Variants in PDZRN4 observed in about 807,000 individuals in gnomAD.
PDZRN4 encodes the protein PDZ domain-containing RING finger protein 4.
A neutral mutation model predicts 99.0 loss-of-function variants in PDZRN4; 70 were observed. That is an observed-to-expected ratio of 0.71 (90% CI 0.58 to 0.86). The LOEUF (loss-of-function observed/expected upper bound fraction) is 0.86. Among genes scored for constraint, PDZRN4 ranks in the 40% least tolerant of loss-of-function variants. The pLI is 0.00. For synonymous variants in PDZRN4, 551 were observed against 501.6 expected (o/e 1.10, Z -1.32); for missense variants, 1,474 against 1,331.2 (o/e 1.11, Z -1.67).
chr12:41,495,613 T>C (rs1937985231), intron 3 of PDZRN4, among the ~76,000 whole-genome samples: 1 of 152,148 alleles, frequency 6.6e-6, no homozygotes, highest in Non-Finnish European at 1.5e-5. Context: ...CATTCAGTTA[T>C]GTCTCACCAC....
At chr12:41,344,355 C>A (rs1025167950) in intron 3 of PDZRN4, among the ~76,000 whole-genome samples, 3 of 151,962 alleles carry the variant, frequency 2.0e-5, no homozygotes, top group Admixed American at 6.6e-5. Flanking sequence ...GACAACATAT[C>A]GAATGGCATA....
chr12:41,520,157 T>G (rs1248750992), intron 5 of PDZRN4, among the ~76,000 whole-genome samples: 1 of 152,146 alleles, frequency 6.6e-6, no homozygotes, highest in Non-Finnish European at 1.5e-5. Context: ...AGCAAAAAAG[T>G]TTTTTTAACT....
intron 3 of PDZRN4, among the ~76,000 whole-genome samples, chr12:41,217,296 A>G (rs986164741): frequency 6.6e-6 from 1 of 152,168 alleles, no homozygotes. Context: ...CTGGGAAGCT[A>G]CACAGGGCTC....
intron 3 of PDZRN4, among the ~76,000 whole-genome samples, chr12:41,221,685 G>A (rs1231488003): frequency 2.0e-5 from 3 of 152,066 alleles, no homozygotes; most frequent in Admixed American, 6.6e-5. Context: ...CAAGCAGTTA[G>A]CGGTCAAATT....
intron 3 of PDZRN4, among the ~76,000 whole-genome samples, chr12:41,284,645 A>G (rs757244904): frequency 6.6e-6 from 1 of 152,212 alleles, no homozygotes; most frequent in Middle Eastern, 3.4e-3. Context: ...TCATCGTATT[A>G]GTACCAAAAC....
intron 3 of PDZRN4, among the ~76,000 whole-genome samples, chr12:41,266,732 A>T (rs988796628): frequency 6.6e-6 from 1 of 152,202 alleles, no homozygotes; most frequent in African/African-American, 2.4e-5. Flanking sequence ...GGCTGTGTAA[A>T]TATCCAGAAT....
chr12:41,250,951 T>G (rs915373147), intron 3 of PDZRN4, among the ~76,000 whole-genome samples: 3 of 152,224 alleles, frequency 2.0e-5, no homozygotes, highest in Non-Finnish European at 4.4e-5. Context: ...CTGGTCCACT[T>G]TTACTTTGAC....
At chr12:41,429,363 G>T (rs1952566164) in intron 3 of PDZRN4, among the ~76,000 whole-genome samples, 2 of 152,196 alleles carry the variant, frequency 1.3e-5, no homozygotes, top group African/African-American at 4.8e-5. Context: ...CCAATCACCA[G>T]TGGAGTGGAG....
At chr12:41,359,957 A>C (rs1452804655) in intron 3 of PDZRN4, among the ~76,000 whole-genome samples, 1 of 151,968 alleles carries the variant, frequency 6.6e-6, no homozygotes, top group Non-Finnish European at 1.5e-5. Context: ...ATACTAGTTG[A>C]AGTTTTCCAT....
chr12:41,394,498 A>G (rs909038327), intron 3 of PDZRN4, among the ~76,000 whole-genome samples: 1 of 152,184 alleles, frequency 6.6e-6, no homozygotes, highest in Non-Finnish European at 1.5e-5. Context: ...AGCTTAAAAC[A>G]CAAACATTGT....
At chr12:41,523,561 G>A (rs568690752) in intron 5 of PDZRN4, among the ~76,000 whole-genome samples, 1 of 152,110 alleles carries the variant, frequency 6.6e-6, no homozygotes, top group Non-Finnish European at 1.5e-5. Context: ...ATTAGAGACT[G>A]TCTCAGGTAC....
At chr12:41,506,262 TA>T (rs1938203360) in intron 3 of PDZRN4, among the ~76,000 whole-genome samples, 193 bp from the exon 4 acceptor site, 1 of 152,176 alleles carries the variant, frequency 6.6e-6, no homozygotes, top group Non-Finnish European at 1.5e-5. Context: ...GATACAGAAG[TA>T]ATTGTTGTTG....
At chr12:41,221,404 A>G (rs932970698) in intron 3 of PDZRN4, among the ~76,000 whole-genome samples, 2 of 152,116 alleles carry the variant, frequency 1.3e-5, no homozygotes, top group Admixed American at 6.6e-5. Context: ...AGGCTGAAGC[A>G]ATGTTAATCC....
chr12:41,366,104 T>C (rs1951998410), intron 3 of PDZRN4, among the ~76,000 whole-genome samples: 1 of 152,130 alleles, frequency 6.6e-6, no homozygotes, highest in African/African-American at 2.4e-5. Flanking sequence ...AGCAAGGTAT[T>C]TTCCCATTCA....
chr12:41,245,669 T>C (rs1183459162), intron 3 of PDZRN4, among the ~76,000 whole-genome samples: 1 of 152,174 alleles, frequency 6.6e-6, no homozygotes, highest in Non-Finnish European at 1.5e-5. Flanking sequence ...ATGTTCAACA[T>C]TTTCCATAAT....
At chr12:41,489,066 T>C (rs1032803084) in intron 3 of PDZRN4, among the ~76,000 whole-genome samples, 5 of 152,192 alleles carry the variant, frequency 3.3e-5, no homozygotes, top group African/African-American at 7.2e-5. Flanking sequence ...TTGTAAACTT[T>C]CTTAAATTAT....
At chr12:41,262,271 C>A (rs893660396) in intron 3 of PDZRN4, among the ~76,000 whole-genome samples, 2 of 152,190 alleles carry the variant, frequency 1.3e-5, no homozygotes, top group African/African-American at 4.8e-5. Context: ...AATCTGTCTA[C>A]GGCCATGCAC....
intron 3 of PDZRN4, among the ~76,000 whole-genome samples, chr12:41,289,416 T>C (rs931358958): frequency 1.3e-5 from 2 of 152,170 alleles, no homozygotes; most frequent in African/African-American, 4.8e-5. Flanking sequence ...GACTCTGAAC[T>C]AGTCCAGAAA....
intron 3 of PDZRN4, among the ~76,000 whole-genome samples, chr12:41,436,406 G>A (rs1309754537): frequency 3.9e-5 from 6 of 152,210 alleles, no homozygotes; most frequent in African/African-American, 7.2e-5. Context: ...TCCTGTTATC[G>A]ATTCTAAACA....
Sources: gnomAD v4.1 joint callset for allele counts (sites outside exome capture counted in the v4.1 genomes callset) on GRCh38, gnomAD v4.1.1 for gene constraint, MANE v1.5 for transcripts, NCBI Gene and HGNC (gene_info 2026-07-23, HGNC 2026-07-21) for gene names.